SORCS1: variants seen among roughly 807,000 people sequenced by gnomAD.
SORCS1 encodes sortilin related VPS10 domain containing receptor 1, also known as VPS10 domain-containing receptor SorCS1.
SORCS1 carries 60 observed loss-of-function variants against 146.1 expected under a neutral mutation model. The ratio of observed to expected loss-of-function variants is 0.41; its 90% CI spans 0.33 to 0.51. The LOEUF is 0.51. SORCS1 is among the 20% of genes least tolerant of loss of function. The probability of loss-of-function intolerance (pLI) is 0.21; values close to 1 mark genes in which losing one functional copy is unlikely to be tolerated. For missense variants in SORCS1, 1,352 were observed against 1,487.6 expected (o/e 0.91, Z 1.50); for synonymous variants, 637 against 584.0 (o/e 1.09, Z -1.31).
At chr10:106,844,284 T>C (rs1012326296) in intron 2 of SORCS1, among the ~76,000 whole-genome samples, 2 of 152,178 alleles carry the variant, frequency 1.3e-5, no homozygotes, top group African/African-American at 4.8e-5. Context: ...ATTGTGATGA[T>C]TGTTTCTTTG....
chr10:106,875,013 G>A (rs1950545161), intron 2 of SORCS1, among the ~76,000 whole-genome samples: 1 of 152,080 alleles, frequency 6.6e-6, no homozygotes, highest in South Asian at 2.1e-4. Flanking sequence ...TTGGTTGCAT[G>A]GATGAATTAT....
intron 1 of SORCS1, among the ~76,000 whole-genome samples, chr10:107,010,984 T>C (rs1025653043): frequency 6.6e-6 from 1 of 152,138 alleles, no homozygotes; most frequent in African/African-American, 2.4e-5. Flanking sequence ...GAGCCAAGCC[T>C]TGTGATTCTT....
intron 5 of SORCS1, among the ~76,000 whole-genome samples, chr10:106,760,004 G>A (rs905123034): frequency 1.3e-5 from 2 of 152,120 alleles, no homozygotes; most frequent in Non-Finnish European, 2.9e-5. Context: ...GTTAGGGACT[G>A]AATATTTTTG....
intron 2 of SORCS1, among the ~76,000 whole-genome samples, chr10:106,868,683 C>T (rs1255606299): frequency 1.3e-5 from 2 of 152,150 alleles, no homozygotes; most frequent in African/African-American, 4.8e-5. Flanking sequence ...ATTTGTGATA[C>T]AGCTAGGGTA....
chr10:107,169,955 A>G, the SORCS1 span, among the ~76,000 whole-genome samples: 2 of 152,174 alleles, frequency 1.3e-5, no homozygotes, highest in African/African-American at 4.8e-5. Context: ...AAATAATATC[A>G]CTGTCATTAT....
At chr10:107,159,638 G>A (rs570307985) in intron 1 of SORCS1, among the ~76,000 whole-genome samples, 1 of 152,184 alleles carries the variant, frequency 6.6e-6, no homozygotes, top group East Asian at 1.9e-4. Context: ...GAATTTAAGT[G>A]ACTTACTCAA....
At chr10:106,773,101 G>A (rs1043810407) in intron 4 of SORCS1, among the ~76,000 whole-genome samples, 1 of 152,194 alleles carries the variant, frequency 6.6e-6, no homozygotes, top group Non-Finnish European at 1.5e-5. Flanking sequence ...TTTTCTAAGG[G>A]ATTGTTCACC....
At chr10:106,744,260 A>G (rs1327094091) in intron 5 of SORCS1, among the ~76,000 whole-genome samples, 1 of 152,078 alleles carries the variant, frequency 6.6e-6, no homozygotes, top group African/African-American at 2.4e-5. Flanking sequence ...GCCCGCCACC[A>G]GGCCCAGCTA....
At chr10:106,693,084 G>A (rs1012446589) in intron 9 of SORCS1, among the ~76,000 whole-genome samples, 4 of 152,150 alleles carry the variant, frequency 2.6e-5, no homozygotes, top group Admixed American at 2.0e-4. Context: ...AACCCTGTGT[G>A]TACACTTGGG....
intron 1 of SORCS1, among the ~76,000 whole-genome samples, chr10:107,108,650 A>G (rs1009438934): frequency 4.6e-5 from 7 of 152,088 alleles, no homozygotes; most frequent in Admixed American, 1.3e-4. Context: ...ATTCCACCCC[A>G]GTCCCTCTCA....
intron 1 of SORCS1, among the ~76,000 whole-genome samples, chr10:107,101,252 C>A (rs1321657894): frequency 6.6e-6 from 1 of 152,162 alleles, no homozygotes; most frequent in Non-Finnish European, 1.5e-5. Context: ...ACCATGTTGA[C>A]CAGGCTGCTC....
intron 2 of SORCS1, among the ~76,000 whole-genome samples, chr10:106,868,115 T>A (rs1950284709): frequency 6.6e-6 from 1 of 152,174 alleles, no homozygotes; most frequent in Admixed American, 6.5e-5. Context: ...GGGCATTACA[T>A]CATAGTAAAG....
chr10:107,061,493 C>A (rs557268762), intron 1 of SORCS1, among the ~76,000 whole-genome samples: 6 of 152,108 alleles, frequency 3.9e-5, no homozygotes, highest in Admixed American at 6.6e-5. Flanking sequence ...AAAGCCAATG[C>A]AATACATCCC....
chr10:106,766,004 C>T (rs1315633218), intron 4 of SORCS1, among the ~76,000 whole-genome samples: 2 of 152,130 alleles, frequency 1.3e-5, no homozygotes, highest in African/African-American at 4.8e-5. Context: ...GTTGTGATAA[C>T]GTTTTAAGTC....
At chr10:106,714,313 G>T (rs943231424) in intron 6 of SORCS1, among the ~76,000 whole-genome samples, 1 of 151,690 alleles carries the variant, frequency 6.6e-6, no homozygotes, top group Non-Finnish European at 1.5e-5. Flanking sequence ...AATAGAAAAA[G>T]AACTTAATAA....
At chr10:106,762,383 A>C (rs10884357) in intron 4 of SORCS1, among the ~76,000 whole-genome samples, 31,710 of 112,580 alleles carry the variant, frequency 0.28, 3,903 homozygotes, top group Non-Finnish European at 0.33. Flanking sequence ...CTTTTTTATT[A>C]TTCTTTTTTT....
rs74793692 is a variant in SORCS1 at position 106,933,241 on chromosome 10, G to A, written c.626+23272C>T. On this transcript the variant is annotated intron_variant, in intron 2 of 25. Transcript: ENST00000263054. ...GAAAAATAATGGGCCAAAGTTCATC[G>A]ATTCTCTGTATTTTCCAGATTAAAA... 2.1e-3 allele frequency among the ~76,000 whole-genome samples: 319 copies of A among 152,262 alleles called. 2 individuals are homozygous for A. The highest frequency in any genetic ancestry group is 7.5e-3 in the African/African-American group (313 of 41,550).
intron 1 of SORCS1, among the ~76,000 whole-genome samples, chr10:107,086,922 G>C (rs559060664): frequency 6.6e-6 from 1 of 152,170 alleles, no homozygotes; most frequent in African/African-American, 2.4e-5. Flanking sequence ...CCAGCTACTC[G>C]GGAGGCTGAG....
At chr10:106,695,354 A>G (rs560476449) in intron 9 of SORCS1, among the ~76,000 whole-genome samples, 123 of 152,270 alleles carry the variant, frequency 8.1e-4, no homozygotes, top group African/African-American at 2.6e-3. Context: ...ACTGGTATGC[A>G]AAGTCTAACC....
Sources: allele counts gnomAD v4.1 joint callset (sites outside exome capture counted in the v4.1 genomes callset), GRCh38; gene constraint gnomAD v4.1.1; transcripts MANE v1.5; gene names NCBI Gene and HGNC (gene_info 2026-07-23, HGNC 2026-07-21).